AAK1: variants seen among roughly 807,000 people sequenced by gnomAD.
AAK1 encodes the protein AP2 associated kinase 1.
A neutral mutation model predicts 116.0 loss-of-function variants in AAK1; 37 were observed. The ratio of observed to expected loss-of-function variants is 0.32; its 90% confidence interval spans 0.25 to 0.42. The LOEUF is 0.42. AAK1 is among the 10% of genes least tolerant of loss of function. The pLI is 1.00. For synonymous variants in AAK1, 458 were observed against 439.9 expected, an observed-to-expected ratio of 1.04 and a Z score of -0.51; for missense variants, 919 against 1,170.6, an observed-to-expected ratio of 0.79 and a Z score of 3.14.
chr2:69,583,476 G>C lies in AAK1; in HGVS notation c.164-26498C>G, dbSNP rs556483310. Among the ~76,000 whole-genome samples the C allele has an allele frequency of 2.0e-5, 3 of 152,294 alleles. No homozygotes were observed. In the South Asian group the frequency reaches 6.2e-4, roughly 32 times the overall value. On this transcript the variant is annotated intron_variant, in intron 2 of 21. Transcript: ENST00000409085. ...TAATATAGGCACATTTTTGAAACCTGAAGGCAAAGAGATTTTCTGTTAAAG... is the reference window on the plus strand; with the variant it reads ...TAATATAGGCACATTTTTGAAACCTCAAGGCAAAGAGATTTTCTGTTAAAG...
intron 2 of AAK1, among the ~76,000 whole-genome samples, chr2:69,567,943 A>G (rs1671944742): frequency 6.6e-6 from 1 of 152,248 alleles, no homozygotes; most frequent in Non-Finnish European, 1.5e-5. Flanking sequence ...ATCCTGAAGC[A>G]TCCCTTGCCT....
At chr2:69,481,208 C>A (rs776879426) in intron 18 of AAK1, 3 of 333,920 alleles carry the variant, frequency 9.0e-6, no homozygotes, top group Admixed American at 4.5e-5. Context: ...CAGTCTCAGG[C>A]AAGGTGGAAA....
At chr2:69,494,140 A>C (rs1675649004) in intron 17 of AAK1, among the ~76,000 whole-genome samples, 2 of 152,136 alleles carry the variant, frequency 1.3e-5, no homozygotes, top group African/African-American at 4.8e-5. Flanking sequence ...AAAATGTCTC[A>C]TTTTAGTTGA....
In AAK1 at chr2:69,458,513, A is replaced by G. The variant is rs1372596777; in HGVS notation, c.*17356T>C. The G allele has an allele frequency of 6.5e-6, 1 of 152,696 alleles. No homozygotes were observed. Among genetic ancestry groups the G allele is most frequent in the Non-Finnish European group, 1.5e-5 (1 of 68,052 alleles). 9.5% of individuals were successfully genotyped at this position (152,696 alleles called of 1,614,324 possible). On this transcript the variant is annotated 3_prime_UTR_variant, in exon 22 of 22. Transcript: ENST00000409085. Reference sequence around the variant, plus strand: ...GATAAGAAGATGTGTACTTGGGAACAAGGCTAAAGCCATGGCTGATTTCCC... The same window carrying G: ...GATAAGAAGATGTGTACTTGGGAACGAGGCTAAAGCCATGGCTGATTTCCC...
chr2:69,540,653 T>C (rs569944185), intron 5 of AAK1, among the ~76,000 whole-genome samples: 80 of 152,370 alleles, frequency 5.3e-4, no homozygotes, highest in African/African-American at 1.9e-3. Context: ...GTATTGCCGA[T>C]GGACGTAAAA....
chr2:69,496,946 C>T (rs2104937039), intron 16 of AAK1, among the ~76,000 whole-genome samples: 1 of 152,230 alleles, frequency 6.6e-6, no homozygotes, highest in Middle Eastern at 3.4e-3. Context: ...ATACTATTGG[C>T]ATTCATTCTA....
intron 21 of AAK1, 112 bp from the exon 22 acceptor site, chr2:69,476,075 A>G: frequency 6.8e-7 from 1 of 1,471,022 alleles, no homozygotes; most frequent in South Asian, 1.4e-5. Context: ...AACAAAAAAA[A>G]ACCAAAAAAA....
intron 16 of AAK1, among the ~76,000 whole-genome samples, chr2:69,499,636 G>A (rs1050066581): frequency 1.3e-5 from 2 of 152,078 alleles, no homozygotes; most frequent in African/African-American, 4.8e-5. Context: ...TTATTAAAGT[G>A]GGTTTTAAAC....
chr2:69,628,336 T>G (rs1240709578), intron 2 of AAK1, among the ~76,000 whole-genome samples: 1 of 151,962 alleles, frequency 6.6e-6, no homozygotes, highest in African/African-American at 2.4e-5. Flanking sequence ...AACATTTCCG[T>G]CTCATCAACC....
chr2:69,584,283 T>G (rs765869450), intron 2 of AAK1, among the ~76,000 whole-genome samples: 1 of 152,222 alleles, frequency 6.6e-6, no homozygotes, highest in African/African-American at 2.4e-5. Context: ...AATTAGGTCA[T>G]TACATAATAC....
At chr2:69,534,408 C>G (rs191119368) in intron 5 of AAK1, among the ~76,000 whole-genome samples, 2 of 152,302 alleles carry the variant, frequency 1.3e-5, no homozygotes, top group East Asian at 3.9e-4. Context: ...GCATTGGGTG[C>G]AAGCTTAAGG....
intron 2 of AAK1, among the ~76,000 whole-genome samples, chr2:69,581,620 A>C (rs1672549496): frequency 6.6e-6 from 1 of 152,182 alleles, no homozygotes; most frequent in African/African-American, 2.4e-5. Context: ...GAGTAATTTA[A>C]AAATGTACAT....
At chr2:69,606,377 C>G (rs1673796627) in intron 2 of AAK1, among the ~76,000 whole-genome samples, 1 of 152,170 alleles carries the variant, frequency 6.6e-6, no homozygotes, top group Non-Finnish European at 1.5e-5. Flanking sequence ...TCTTGTACTA[C>G]CTGGCACTTG....
chr2:69,595,338 A>C (rs927016631), intron 2 of AAK1, among the ~76,000 whole-genome samples: 14 of 152,174 alleles, frequency 9.2e-5, no homozygotes, highest in Admixed American at 9.2e-4. Context: ...CTGGTCTCGA[A>C]CTCATGACCT....
intron 3 of AAK1, among the ~76,000 whole-genome samples, chr2:69,550,798 T>C (rs748413464): frequency 6.6e-6 from 1 of 152,082 alleles, no homozygotes; most frequent in Non-Finnish European, 1.5e-5. Flanking sequence ...GTACTTTTAG[T>C]AGAGACAGGG....
intron 17 of AAK1, among the ~76,000 whole-genome samples, chr2:69,487,364 G>A (rs543431764): frequency 2.6e-5 from 4 of 152,262 alleles, no homozygotes; most frequent in African/African-American, 4.8e-5. Context: ...GAAACACACC[G>A]AAGCCAAGTA....
Position 69,523,230 on chromosome 2 carries a change from G to T in AAK1, c.1055+1803C>A, listed in dbSNP as rs540705307. On this transcript the variant is annotated intron_variant, in intron 10 of 21. Coordinates refer to ENST00000409085, the MANE Select transcript of AAK1 (RefSeq NM_014911.5). The stretch of plus-strand genomic sequence containing the variant: ...TCTGCACATATCATGTTTGAGCCTA[G>T]TACAAGACAGCCATGAGCACAAAGG... Among the ~76,000 whole-genome samples, 94 of 152,278 alleles carry T rather than the reference G, an allele frequency of 6.2e-4. No individual in the cohort carries two copies. The South Asian group carries it at 0.012, about 20-fold the overall frequency.
intron 7 of AAK1, 137 bp from the exon 8 acceptor site, chr2:69,530,277 GT>G: frequency 1.1e-6 from 1 of 911,636 alleles, no homozygotes; most frequent in Non-Finnish European, 1.6e-6. Context: ...AGAAACATGA[GT>G]TTTAGAACCC....
At chr2:69,619,369 C>G (rs1248948238) in intron 2 of AAK1, among the ~76,000 whole-genome samples, 1 of 152,174 alleles carries the variant, frequency 6.6e-6, no homozygotes, top group Non-Finnish European at 1.5e-5. Context: ...ACAAACTTAT[C>G]TATATCCATA....
Sources: allele counts gnomAD v4.1 joint callset (sites outside exome capture counted in the v4.1 genomes callset), GRCh38; gene constraint gnomAD v4.1.1; transcripts MANE v1.5; gene names NCBI Gene and HGNC (gene_info 2026-07-23, HGNC 2026-07-21).